The following PCDH9 variants were observed in gnomAD, a reference collection of about 807,000 sequenced individuals.
PCDH9 encodes protocadherin-9.
PCDH9 carries 24 observed loss-of-function variants against 70.6 expected under a neutral mutation model. That is an observed-to-expected ratio of 0.34 (90% CI 0.25 to 0.48). The LOEUF (loss-of-function observed/expected upper bound fraction) is 0.48. PCDH9 is among the 20% of genes least tolerant of loss of function. The probability of loss-of-function intolerance (pLI) is 0.99; values close to 1 mark genes in which losing one functional copy is unlikely to be tolerated. For missense variants in PCDH9, 1,281 were observed against 1,503.6 expected (o/e 0.85, Z 2.45); for synonymous variants, 562 against 558.5 (o/e 1.01, Z -0.09).
At chr13:66,767,339 C>T (rs757639559) in intron 3 of PCDH9, among the ~76,000 whole-genome samples, 6 of 152,128 alleles carry the variant, frequency 3.9e-5, no homozygotes, top group African/African-American at 1.2e-4. Context: ...ATTGGAATTG[C>T]TTGATCACTA....
chr13:66,670,036 A>C (rs2078150809), intron 3 of PCDH9, among the ~76,000 whole-genome samples: 1 of 152,086 alleles, frequency 6.6e-6, no homozygotes, highest in African/African-American at 2.4e-5. Flanking sequence ...ACCATATATA[A>C]ACTAACTCTG....
intron 3 of PCDH9, among the ~76,000 whole-genome samples, chr13:66,731,340 A>G (rs557451766): frequency 4.8e-4 from 73 of 152,258 alleles, no homozygotes; most frequent in Middle Eastern, 6.8e-3. Flanking sequence ...CAATTTTTGC[A>G]TGAATATGGT....
intron 2 of PCDH9, among the ~76,000 whole-genome samples, chr13:67,042,155 GAGA>G (rs1198440271): frequency 6.6e-6 from 1 of 152,160 alleles, no homozygotes; most frequent in Non-Finnish European, 1.5e-5. Context: ...TAGCGTGAAA[GAGA>G]AGTACAGTTG....
intron 4 of PCDH9, among the ~76,000 whole-genome samples, chr13:66,314,441 C>T (rs868250978): frequency 6.6e-6 from 1 of 152,176 alleles, no homozygotes; most frequent in African/African-American, 2.4e-5. Flanking sequence ...TGATACCACA[C>T]CCTTGCCAGA....
chr13:66,407,800 T>G (rs1353747638), intron 4 of PCDH9, among the ~76,000 whole-genome samples: 1 of 152,116 alleles, frequency 6.6e-6, no homozygotes, highest in Non-Finnish European at 1.5e-5. Context: ...AAATTTTTAT[T>G]TTTTTAGACA....
chr13:66,491,683 T>A (rs1959036660), intron 4 of PCDH9, among the ~76,000 whole-genome samples: 1 of 152,140 alleles, frequency 6.6e-6, no homozygotes, highest in Admixed American at 6.6e-5. Context: ...CTTTATTCCT[T>A]TTGTTATATT....
chr13:67,128,922 A>G (rs1303706799), intron 2 of PCDH9, among the ~76,000 whole-genome samples: 1 of 152,182 alleles, frequency 6.6e-6, no homozygotes, highest in Non-Finnish European at 1.5e-5. Context: ...AGGGGATAGC[A>G]GTGGTAAGTT....
intron 3 of PCDH9, among the ~76,000 whole-genome samples, chr13:66,865,345 T>C (rs1254612286): frequency 6.6e-6 from 1 of 152,210 alleles, no homozygotes; most frequent in Non-Finnish European, 1.5e-5. Flanking sequence ...TCCAGGATGT[T>C]GTATTTCATT....
At chr13:66,915,483 T>A (rs935217523) in intron 2 of PCDH9, among the ~76,000 whole-genome samples, 2 of 151,692 alleles carry the variant, frequency 1.3e-5, no homozygotes, top group Admixed American at 1.3e-4. Flanking sequence ...CCAGGAGATC[T>A]AAGATAAACA....
chr13:66,476,459 T>G (rs1958731289), intron 4 of PCDH9, among the ~76,000 whole-genome samples: 1 of 152,114 alleles, frequency 6.6e-6, no homozygotes. Flanking sequence ...GTTATTCCAT[T>G]TGATGATTTG....
At chr13:66,404,281 C>A (rs1957241281) in intron 4 of PCDH9, among the ~76,000 whole-genome samples, 1 of 152,074 alleles carries the variant, frequency 6.6e-6, no homozygotes, top group Non-Finnish European at 1.5e-5. Context: ...ACACAAGTTT[C>A]TCATATTTGA....
At chr13:66,864,368 GGGGTGGGGGGCGTGAAAAGACAAAAGCAA>G (rs2081535292) in intron 3 of PCDH9, among the ~76,000 whole-genome samples, 1 of 152,044 alleles carries the variant, frequency 6.6e-6, no homozygotes, top group African/African-American at 2.4e-5. Context: ...CTCAAAAAGG[GGGGTGGGGGGCGTGAAAAGACAAAAGCAA>G]ATATCAGATG....
chr13:66,952,873 C>T (rs2083206505), intron 2 of PCDH9, among the ~76,000 whole-genome samples: 1 of 152,094 alleles, frequency 6.6e-6, no homozygotes. Flanking sequence ...TGTCACCCTC[C>T]CTGCCTCCTA....
At chr13:66,494,112 A>G (rs1019433569) in intron 4 of PCDH9, among the ~76,000 whole-genome samples, 11 of 152,136 alleles carry the variant, frequency 7.2e-5, no homozygotes, top group South Asian at 4.1e-4. Flanking sequence ...TTTTCACTCT[A>G]TGAGAATGCA....
chr13:66,445,465 T>C (rs1456101088), intron 4 of PCDH9, among the ~76,000 whole-genome samples: 1 of 142,106 alleles, frequency 7.0e-6, no homozygotes, highest in East Asian at 2.0e-4. Flanking sequence ...TACACATATA[T>C]ATAATATATA....
chr13:66,701,767 T>C (rs6562471), intron 3 of PCDH9, among the ~76,000 whole-genome samples: 148,708 of 152,246 alleles, frequency 0.98, 72,729 homozygotes, highest in East Asian at 1. Flanking sequence ...TTGTGTGAAG[T>C]ATAGTAGTGA....
chr13:66,722,986 A>T (rs2078961483), intron 3 of PCDH9, among the ~76,000 whole-genome samples: 1 of 149,524 alleles, frequency 6.7e-6, no homozygotes, highest in Admixed American at 6.6e-5. Flanking sequence ...AAAAAAAAAA[A>T]GTGATGATAA....
At chr13:67,090,961 TTTTG>T (rs2086206264) in intron 2 of PCDH9, among the ~76,000 whole-genome samples, 1 of 152,226 alleles carries the variant, frequency 6.6e-6, no homozygotes, top group Non-Finnish European at 1.5e-5. Context: ...CTGAAATTAT[TTTTG>T]TTTAACATTA....
intron 3 of PCDH9, among the ~76,000 whole-genome samples, chr13:66,737,124 A>T (rs2079161667): frequency 6.6e-6 from 1 of 152,286 alleles, no homozygotes; most frequent in African/African-American, 2.4e-5. Context: ...AGATGTAATA[A>T]TTTTTATCTT....
Sources: allele counts gnomAD v4.1 joint callset (sites outside exome capture counted in the v4.1 genomes callset), GRCh38; gene constraint gnomAD v4.1.1; transcripts MANE v1.5; gene names NCBI Gene and HGNC (gene_info 2026-07-23, HGNC 2026-07-21).